The following UGT2B7 variants were observed in gnomAD, a reference collection of about 807,000 sequenced individuals.
The protein encoded by UGT2B7 is UDP-glucuronosyltransferase 2B7.
UGT2B7 carries 51 observed loss-of-function variants against 51.9 expected under a neutral mutation model. That is an observed-to-expected ratio of 0.98 (90% CI 0.78 to 1.24). UGT2B7 has a LOEUF of 1.24. Ranked by LOEUF, UGT2B7 falls within the 50% of genes most tolerant of loss-of-function variation. The pLI is 0.00. For missense variants in UGT2B7, 727 were observed against 628.4 expected, an observed-to-expected ratio of 1.16 and a Z score of -1.68; for synonymous variants, 225 against 211.6, an observed-to-expected ratio of 1.06 and a Z score of -0.55.
At position 69,067,122 on chromosome 4, in the gene UGT2B7, C is replaced by T. The variant is rs1256165694; in HGVS notation, c.-159+15520C>T. ...TGGGAAATGGGTGACACACAACTATCTTTATCCACAGTGTTCTCTATTTGT... is the reference window on the plus strand; with the variant it reads ...TGGGAAATGGGTGACACACAACTATTTTTATCCACAGTGTTCTCTATTTGT... On this transcript the variant is annotated intron_variant, in intron 1 of 5. Transcript: ENST00000502942. Among the ~76,000 whole-genome samples, 6 of 152,134 alleles carry T rather than the reference C, an allele frequency of 3.9e-5. No individual in the cohort carries two copies. In the East Asian group the frequency reaches 1.2e-3, roughly 29 times the overall value.
At position 69,082,100 on chromosome 4, in the gene UGT2B7, C is replaced by G. The variant is rs535455238; in HGVS notation, c.-158-7372C>G. Among the ~76,000 whole-genome samples, 197 of 152,126 alleles carry G rather than the reference C, an allele frequency of 1.3e-3. 1 individual carries two copies. In the Middle Eastern group the frequency reaches 0.024, roughly 18 times the overall value. On this transcript the variant is annotated intron_variant, in intron 1 of 5. Coordinates refer to the UGT2B7 transcript ENST00000502942. The stretch of plus-strand genomic sequence containing the variant: ...TACTGTTGTAATTGGTTTGCGGCAT[C>G]ACAAATTATGCCCATATAAGATGTC...
chr4:69,104,229 G>C (rs566032671), intron 3 of UGT2B7, among the ~76,000 whole-genome samples: 15 of 152,236 alleles, frequency 9.9e-5, no homozygotes, highest in African/African-American at 3.6e-4. Context: ...AGAGGTTGCA[G>C]TGAGCCAAGA....
chr4:69,094,862 TA>T (rs528069752), upstream of UGT2B7, among the ~76,000 whole-genome samples: 215 of 152,352 alleles, frequency 1.4e-3, 1 homozygote, highest in African/African-American at 5.0e-3. Context: ...TAAGTTTAAG[TA>T]ATATTCTAAA....
At chr4:69,058,444 C>T (rs1260410013) in intron 1 of UGT2B7, among the ~76,000 whole-genome samples, 2 of 152,106 alleles carry the variant, frequency 1.3e-5, no homozygotes, top group African/African-American at 2.4e-5. Context: ...ACAAGAGGAC[C>T]CCGACTAGGA....
intron 1 of UGT2B7, among the ~76,000 whole-genome samples, chr4:69,063,318 C>CAAA (rs556109411): frequency 1.1e-3 from 26 of 23,798 alleles, no homozygotes; most frequent in African/African-American, 1.5e-3. Context: ...GACTCCGTCT[C>CAAA]AAAAAAAAAA....
At chr4:69,061,371 G>T (rs557352629) in intron 1 of UGT2B7, among the ~76,000 whole-genome samples, 1 of 152,304 alleles carries the variant, frequency 6.6e-6, no homozygotes, top group South Asian at 2.1e-4. Flanking sequence ...GTAGGCAAAA[G>T]GCAGGAACAT....
At chr4:69,073,318 T>C (rs927913196) in intron 1 of UGT2B7, among the ~76,000 whole-genome samples, 5 of 152,164 alleles carry the variant, frequency 3.3e-5, no homozygotes, top group African/African-American at 1.2e-4. Context: ...AGTTCCTAAT[T>C]ATTAGTCTGA....
chr4:69,053,829 T>C (rs1718107831), intron 1 of UGT2B7, among the ~76,000 whole-genome samples: 2 of 152,206 alleles, frequency 1.3e-5, no homozygotes, highest in African/African-American at 4.8e-5. Context: ...CTTTACTAGG[T>C]ACTCTGCTGA....
upstream of UGT2B7, among the ~76,000 whole-genome samples, chr4:69,093,587 A>G (rs966766503): frequency 6.6e-6 from 1 of 152,208 alleles, no homozygotes; most frequent in African/African-American, 2.4e-5. Context: ...ATCTAAAGGC[A>G]TCACGTCTCT....
chr4:69,064,255 G>T (rs1718440142), intron 1 of UGT2B7, among the ~76,000 whole-genome samples: 1 of 152,174 alleles, frequency 6.6e-6, no homozygotes, highest in African/African-American at 2.4e-5. Flanking sequence ...AAAAAGCCAG[G>T]AGATGCACCA....
chr4:69,070,314 T>C (rs1718573260), intron 1 of UGT2B7, among the ~76,000 whole-genome samples: 1 of 148,140 alleles, frequency 6.8e-6, no homozygotes, highest in Non-Finnish European at 1.5e-5. Flanking sequence ...TTTTATTGTT[T>C]TATTTCAACT....
intron 1 of UGT2B7, among the ~76,000 whole-genome samples, chr4:69,078,640 G>T (rs977164883): frequency 6.6e-6 from 1 of 152,012 alleles, no homozygotes; most frequent in Non-Finnish European, 1.5e-5. Context: ...TCTGGCCATG[G>T]GTCTTCCTCA....
intron 1 of UGT2B7, among the ~76,000 whole-genome samples, chr4:69,064,020 GA>G (rs1577908377): frequency 2.2e-4 from 3 of 13,354 alleles, no homozygotes; most frequent in Non-Finnish European, 4.4e-4. Flanking sequence ...GATGAGATGG[GA>G]AAGAAAGAAA....
At chr4:69,076,281 C>A (rs1203812730) in intron 1 of UGT2B7, among the ~76,000 whole-genome samples, 1 of 152,148 alleles carries the variant, frequency 6.6e-6, no homozygotes, top group Non-Finnish European at 1.5e-5. Context: ...GTATTTTAAT[C>A]ATTTGGGTAT....
rs746024489 is a variant in UGT2B7 at position 69,108,274 on chromosome 4, C to T, written c.1262C>T (p.Ser421Leu). 16 of 1,613,352 alleles carry T rather than the reference C, an allele frequency of 9.9e-6. No individual in the cohort carries two copies. The highest frequency in any genetic ancestry group is 3.3e-5 in the South Asian group (3 of 91,064). ...AAVRVDFNTM[S>L]STDLLNALKR... ...GTTAGAGTGGACTTCAACACAATGTCGAGTACAGACTTGCTGAATGCATTG... is the reference window on the plus strand; with the variant it reads ...GTTAGAGTGGACTTCAACACAATGTTGAGTACAGACTTGCTGAATGCATTG... The change falls in exon 5 of 6, where the codon TCG becomes TTG. Residue 421 changes from serine to leucine, a missense_variant. Physicochemically the swap from Ser to Leu is moderately radical, Grantham distance 145. Coordinates refer to ENST00000305231, the MANE Select transcript of UGT2B7 (RefSeq NM_001074.4).
chr4:69,059,383 A>G (rs1401119743), intron 1 of UGT2B7, among the ~76,000 whole-genome samples: 1 of 152,236 alleles, frequency 6.6e-6, no homozygotes, highest in Non-Finnish European at 1.5e-5. Context: ...TTTGCTGGGA[A>G]GAGACCTACT....
At chr4:69,094,748 A>G (rs1719175955), upstream of UGT2B7, among the ~76,000 whole-genome samples, 1 of 152,220 alleles carries the variant, frequency 6.6e-6, no homozygotes, top group Non-Finnish European at 1.5e-5. Flanking sequence ...CTTTCACAAA[A>G]GATATTTTTA....
chr4:69,068,161 G>A (rs150025114), intron 1 of UGT2B7, among the ~76,000 whole-genome samples: 1 of 151,876 alleles, frequency 6.6e-6, no homozygotes, highest in Non-Finnish European at 1.5e-5. Flanking sequence ...GCTTTCCTAA[G>A]ATGATTTATT....
intron 1 of UGT2B7, among the ~76,000 whole-genome samples, chr4:69,098,229 A>T (rs538597992): frequency 6.6e-5 from 10 of 152,130 alleles, no homozygotes; most frequent in South Asian, 6.2e-4. Context: ...CTTTAAGAGA[A>T]AAGAAATTTT....
Sources: gnomAD v4.1 joint callset for allele counts (sites outside exome capture counted in the v4.1 genomes callset) on GRCh38, gnomAD v4.1.1 for gene constraint, MANE v1.5 for transcripts, NCBI Gene and HGNC (gene_info 2026-07-23, HGNC 2026-07-21) for gene names.